SAMD4A: variants seen among roughly 807,000 people sequenced by gnomAD.
SAMD4A encodes the protein sterile alpha motif domain containing 4A.
Under a neutral mutation model 81.3 loss-of-function variants are expected in SAMD4A, and 33 were observed. The ratio of observed to expected loss-of-function variants is 0.41; its 90% CI spans 0.31 to 0.54. SAMD4A has a LOEUF of 0.54. SAMD4A is among the 20% of genes least tolerant of loss of function. SAMD4A has a pLI of 0.37. For missense variants in SAMD4A, 854 were observed against 951.1 expected, an observed-to-expected ratio of 0.90 and a Z score of 1.34; for synonymous variants, 389 against 382.1, an observed-to-expected ratio of 1.02 and a Z score of -0.21.
chr14:54,694,682 C>G (rs996044342), intron 2 of SAMD4A: 5 of 985,296 alleles, frequency 5.1e-6, no homozygotes, highest in Non-Finnish European at 6.0e-6. Context: ...TTTTTGTGCC[C>G]TCTGGGAATG....
intron 2 of SAMD4A, among the ~76,000 whole-genome samples, chr14:54,701,572 A>G (rs867033898): frequency 6.6e-5 from 10 of 152,172 alleles, no homozygotes; most frequent in African/African-American, 2.4e-4. Flanking sequence ...TCCATCTAGG[A>G]AGTTTTTCCA....
At chr14:54,767,281 G>A (rs561048400) in intron 8 of SAMD4A, among the ~76,000 whole-genome samples, 6 of 152,272 alleles carry the variant, frequency 3.9e-5, no homozygotes, top group South Asian at 2.1e-4. Flanking sequence ...GAGACAGGAC[G>A]CCCCTTCATA....
At chr14:54,581,695 G>T (rs1005931394) in intron 2 of SAMD4A, among the ~76,000 whole-genome samples, 3 of 152,186 alleles carry the variant, frequency 2.0e-5, no homozygotes, top group Non-Finnish European at 4.4e-5. Flanking sequence ...GCCATTCAAA[G>T]CATGCCACAG....
intron 2 of SAMD4A, among the ~76,000 whole-genome samples, 195 bp downstream of exon 2, chr14:54,568,307 C>T (rs1369341396): frequency 6.6e-6 from 1 of 152,032 alleles, no homozygotes; most frequent in African/African-American, 2.4e-5. Context: ...TTACCTCCGC[C>T]GGCCGCTTTG....
intron 2 of SAMD4A, among the ~76,000 whole-genome samples, chr14:54,622,134 A>T (rs2034632552): frequency 6.6e-6 from 1 of 152,184 alleles, no homozygotes; most frequent in Non-Finnish European, 1.5e-5. Flanking sequence ...CACCAGGATA[A>T]GTCTTGTTAA....
At chr14:54,707,385 T>G (rs2036886490) in intron 3 of SAMD4A, among the ~76,000 whole-genome samples, 2 of 152,120 alleles carry the variant, frequency 1.3e-5, no homozygotes, top group African/African-American at 4.8e-5. Context: ...ATTATAGATA[T>G]GAGCCACCAC....
At chr14:54,680,467 G>C (rs1370835788) in intron 2 of SAMD4A, among the ~76,000 whole-genome samples, 2 of 152,078 alleles carry the variant, frequency 1.3e-5, no homozygotes, top group Non-Finnish European at 2.9e-5. Context: ...TGGGTATTGG[G>C]GCTATTCTTT....
intron 9 of SAMD4A, among the ~76,000 whole-genome samples, chr14:54,773,846 A>C (rs1429965203): frequency 2.0e-5 from 3 of 152,244 alleles, no homozygotes; most frequent in Non-Finnish European, 4.4e-5. Flanking sequence ...ATTCAACTGC[A>C]TTCACTGTGC....
intron 2 of SAMD4A, chr14:54,682,135 T>A: frequency 1.1e-6 from 1 of 882,664 alleles, no homozygotes; most frequent in Non-Finnish European, 1.4e-6. Flanking sequence ...GTTGTGGCCT[T>A]TAATGTTTGG....
intron 2 of SAMD4A, chr14:54,700,992 A>ATTTTTTTTTTTTTTT (rs1555344776): frequency 8.2e-6 from 1 of 121,654 alleles, no homozygotes; most frequent in Non-Finnish European, 1.8e-5. Flanking sequence ...TGAAACGGTG[A>ATTTTTTTTTTTTTTT]ATTTTTTTTT....
intron 2 of SAMD4A, among the ~76,000 whole-genome samples, chr14:54,698,407 C>G (rs1488243714): frequency 6.6e-6 from 1 of 152,156 alleles, no homozygotes; most frequent in Admixed American, 6.6e-5. Flanking sequence ...TATCTAATAT[C>G]AAATTTGCCT....
At chr14:54,695,759 C>G (rs1427491830) in intron 2 of SAMD4A, among the ~76,000 whole-genome samples, 12 of 151,932 alleles carry the variant, frequency 7.9e-5, no homozygotes, top group Non-Finnish European at 1.5e-4. Context: ...TCAAGACCAG[C>G]CTAGCCAACA....
chr14:54,625,943 C>T (rs2034734103), intron 2 of SAMD4A, among the ~76,000 whole-genome samples: 1 of 151,658 alleles, frequency 6.6e-6, no homozygotes, highest in Non-Finnish European at 1.5e-5. Flanking sequence ...TAAGCAAAGT[C>T]TGTGTTTAGC....
At chr14:54,589,871 A>G (rs1373306880) in intron 2 of SAMD4A, among the ~76,000 whole-genome samples, 1 of 152,172 alleles carries the variant, frequency 6.6e-6, no homozygotes, top group Non-Finnish European at 1.5e-5. Context: ...CTCTGCTTAT[A>G]TGTCTCCTTC....
At chr14:54,602,868 C>T (rs1053061607) in intron 2 of SAMD4A, among the ~76,000 whole-genome samples, 5 of 152,146 alleles carry the variant, frequency 3.3e-5, no homozygotes, top group African/African-American at 1.2e-4. Flanking sequence ...ATGTCTGGAT[C>T]CTTGTTACTT....
At chr14:54,702,964 C>A in intron 3 of SAMD4A, 1 of 181,118 alleles carries the variant, frequency 5.5e-6, no homozygotes, top group Non-Finnish European at 1.2e-5. Flanking sequence ...AATTCTAACC[C>A]ATGGTTAACC....
intron 3 of SAMD4A, among the ~76,000 whole-genome samples, chr14:54,712,230 C>A (rs1029687470): frequency 6.6e-6 from 1 of 151,840 alleles, no homozygotes; most frequent in African/African-American, 2.4e-5. Context: ...CCTTTGAAAT[C>A]TTTCATGGAA....
At chr14:54,622,749 G>A (rs542852120) in intron 2 of SAMD4A, among the ~76,000 whole-genome samples, 7 of 152,274 alleles carry the variant, frequency 4.6e-5, no homozygotes, top group Admixed American at 6.5e-5. Flanking sequence ...CTGGTCTGTC[G>A]TGCAGCGTAG....
chr14:54,735,320 G>A (rs1438457609), intron 3 of SAMD4A, among the ~76,000 whole-genome samples: 1 of 151,348 alleles, frequency 6.6e-6, no homozygotes, highest in Non-Finnish European at 1.5e-5. Context: ...GTTTCTTCCC[G>A]AGTCTATTTA....
Sources: gnomAD v4.1 joint callset for allele counts (sites outside exome capture counted in the v4.1 genomes callset) on GRCh38, gnomAD v4.1.1 for gene constraint, MANE v1.5 for transcripts, NCBI Gene and HGNC (gene_info 2026-07-23, HGNC 2026-07-21) for gene names.